The following TAFA2 variants were observed in gnomAD, a reference collection of about 807,000 sequenced individuals.
The protein encoded by TAFA2 is TAFA chemokine like family member 2, also known as chemokine-like protein TAFA-2.
In TAFA2, 7 loss-of-function variants were observed where a neutral mutation model predicts 18.8. The ratio of observed to expected loss-of-function variants is 0.37; its 90% CI spans 0.21 to 0.70. The LOEUF (loss-of-function observed/expected upper bound fraction) is 0.70, where lower values mean the gene tolerates loss of function less well. Among genes scored for constraint, TAFA2 ranks in the 30% least tolerant of loss-of-function variants. The pLI is 0.53. For synonymous variants in TAFA2, 60 were observed against 54.2 expected (o/e 1.11, Z -0.47); for missense variants, 122 against 158.1 (o/e 0.77, Z 1.23).
At chr12:61,885,241 A>G (rs928979453) in intron 1 of TAFA2, among the ~76,000 whole-genome samples, 8 of 152,212 alleles carry the variant, frequency 5.3e-5, no homozygotes, top group African/African-American at 1.9e-4. Context: ...TGTTCCTTCT[A>G]GCATATCATC....
upstream of TAFA2, among the ~76,000 whole-genome samples, chr12:62,193,467 C>T (rs1291766459): frequency 5.3e-5 from 8 of 152,170 alleles, no homozygotes; most frequent in Non-Finnish European, 8.8e-5. Flanking sequence ...ATCACAAGCT[C>T]TCTTCACCAG....
chr12:61,935,503 C>T (rs1259878264), intron 1 of TAFA2, among the ~76,000 whole-genome samples: 2 of 152,124 alleles, frequency 1.3e-5, no homozygotes, highest in Non-Finnish European at 2.9e-5. Flanking sequence ...ATCCAATATA[C>T]CATCAACTCT....
intron 1 of TAFA2, among the ~76,000 whole-genome samples, chr12:62,109,105 G>C (rs771681386): frequency 1.3e-5 from 2 of 152,034 alleles, no homozygotes; most frequent in Non-Finnish European, 1.5e-5. Context: ...GGATTTTTAT[G>C]GTTTTAGGTT....
chr12:62,176,378 A>C (rs992488533), intron 1 of TAFA2, among the ~76,000 whole-genome samples: 1 of 152,190 alleles, frequency 6.6e-6, no homozygotes, highest in Non-Finnish European at 1.5e-5. Context: ...TGAGTTCTGC[A>C]CCAGAACTGC....
At chr12:61,960,956 C>A (rs1305769709) in intron 1 of TAFA2, among the ~76,000 whole-genome samples, 5 of 151,744 alleles carry the variant, frequency 3.3e-5, no homozygotes, top group Non-Finnish European at 7.4e-5. Context: ...AATACCTGAG[C>A]CTAGGTAATT....
intron 2 of TAFA2, among the ~76,000 whole-genome samples, chr12:61,764,668 TTCATTAAAATGAAGACAATC>T (rs1248630508): frequency 6.6e-6 from 1 of 152,110 alleles, no homozygotes; most frequent in Non-Finnish European, 1.5e-5. Context: ...ATGATTAGGT[TTCATTAAAATGAAGACAATC>T]TTTTAAACCT....
intron 1 of TAFA2, among the ~76,000 whole-genome samples, chr12:62,055,481 A>G (rs1235607074): frequency 2.0e-5 from 3 of 152,208 alleles, no homozygotes; most frequent in African/African-American, 7.2e-5. Context: ...CTTCAGCAGC[A>G]GAATTAAACT....
intron 1 of TAFA2, chr12:62,252,705 A>C (rs1457485301): frequency 1.3e-5 from 2 of 152,166 alleles, no homozygotes; most frequent in African/African-American, 4.8e-5. Flanking sequence ...CCGTTGCTCT[A>C]TCCGGCCGGC....
intron 2 of TAFA2, among the ~76,000 whole-genome samples, chr12:61,765,960 T>C (rs1034465764): frequency 1.3e-5 from 2 of 152,066 alleles, no homozygotes; most frequent in African/African-American, 4.8e-5. Context: ...CACTGTCAGT[T>C]CCATTAACTC....
chr12:62,108,898 G>C (rs1869591996), intron 1 of TAFA2, among the ~76,000 whole-genome samples: 1 of 152,142 alleles, frequency 6.6e-6, no homozygotes, highest in African/African-American at 2.4e-5. Context: ...CAGATGGAAA[G>C]ATTGCAAAAT....
intron 1 of TAFA2, among the ~76,000 whole-genome samples, chr12:61,886,522 T>C (rs561641578): frequency 3.9e-5 from 6 of 152,314 alleles, no homozygotes; most frequent in African/African-American, 1.2e-4. Flanking sequence ...TGCTTTTGCC[T>C]TATCCCTAAA....
At chr12:62,143,397 A>G (rs1307318546) in intron 1 of TAFA2, among the ~76,000 whole-genome samples, 3 of 152,232 alleles carry the variant, frequency 2.0e-5, no homozygotes, top group East Asian at 1.9e-4. Flanking sequence ...TAATCAGTAT[A>G]CAGAGCTTAG....
chr12:61,962,167 G>C (rs1316939001), intron 1 of TAFA2, among the ~76,000 whole-genome samples: 1 of 151,898 alleles, frequency 6.6e-6, no homozygotes, highest in Non-Finnish European at 1.5e-5. Context: ...AGAACTTCCA[G>C]GAATTCCTGT....
intron 1 of TAFA2, among the ~76,000 whole-genome samples, chr12:62,040,817 A>G (rs1040384669): frequency 5.9e-5 from 9 of 152,170 alleles, no homozygotes; most frequent in African/African-American, 2.2e-4. Flanking sequence ...ATACCATAGG[A>G]CTGAAGAGGT....
intron 1 of TAFA2, among the ~76,000 whole-genome samples, chr12:62,029,886 T>C (rs1881410398): frequency 6.6e-6 from 1 of 151,888 alleles, no homozygotes; most frequent in African/African-American, 2.4e-5. Flanking sequence ...TCTAGAGAAG[T>C]TTCTAGAGAG....
chr12:61,866,891 T>A (rs887250301), intron 2 of TAFA2, among the ~76,000 whole-genome samples: 1 of 152,090 alleles, frequency 6.6e-6, no homozygotes, highest in Non-Finnish European at 1.5e-5. Context: ...AATTTTTATT[T>A]TATTTTATTT....
chr12:61,743,049 T>A (rs1868530255), intron 4 of TAFA2, among the ~76,000 whole-genome samples: 1 of 151,958 alleles, frequency 6.6e-6, no homozygotes, highest in African/African-American at 2.4e-5. Context: ...TTTAACATGG[T>A]ATTTAAAAGC....
At chr12:62,181,432 T>TAGA (rs2062551216) in intron 1 of TAFA2, among the ~76,000 whole-genome samples, 1 of 152,228 alleles carries the variant, frequency 6.6e-6, no homozygotes, top group Non-Finnish European at 1.5e-5. Context: ...AATGAATTGA[T>TAGA]ATCATTCCTC....
At chr12:62,132,942 C>T (rs1469707521) in intron 1 of TAFA2, among the ~76,000 whole-genome samples, 10 of 151,916 alleles carry the variant, frequency 6.6e-5, no homozygotes, top group Admixed American at 6.6e-4. Context: ...CAATTTTTCA[C>T]CAATATTGTG....
Sources: gnomAD v4.1 joint callset for allele counts (sites outside exome capture counted in the v4.1 genomes callset) on GRCh38, gnomAD v4.1.1 for gene constraint, MANE v1.5 for transcripts, NCBI Gene and HGNC (gene_info 2026-07-23, HGNC 2026-07-21) for gene names.